Variants in SLC7A7 observed in about 807,000 individuals in gnomAD.
The protein encoded by SLC7A7 is Y+L amino acid transporter 1.
A neutral mutation model predicts 47.9 loss-of-function variants in SLC7A7; 39 were observed. The observed-to-expected ratio is 0.81, with a 90% confidence interval of 0.63 to 1.06. The LOEUF (loss-of-function observed/expected upper bound fraction) is 1.06. Among genes scored for constraint, SLC7A7 ranks in the 50% least tolerant of loss-of-function variants. SLC7A7 has a pLI of 0.00. For synonymous variants in SLC7A7, 234 were observed against 242.8 expected (o/e 0.96, Z 0.34); for missense variants, 588 against 632.0 (o/e 0.93, Z 0.75).
Position 22,794,329 on chromosome 14 carries a change from C to T in SLC7A7, c.500-14278G>A, listed in dbSNP as rs191948432. Among the ~76,000 whole-genome samples, 308 of 152,270 alleles carry T rather than the reference C, an allele frequency of 2.0e-3. 1 individual carries two copies. The highest frequency in any genetic ancestry group is 0.017 in the Admixed American group (261 of 15,292). ...GTGGGTCACTGGATCAGAGTCCTCC[C>T]GCTCTCCTTCCTGGAACTCAGTCAG... On this transcript the variant is annotated intron_variant, in intron 2 of 9. Transcript: ENST00000674313.
intron 2 of SLC7A7, among the ~76,000 whole-genome samples, chr14:22,811,902 C>T (rs1182426785): frequency 6.7e-6 from 1 of 149,476 alleles, no homozygotes; most frequent in Non-Finnish European, 1.5e-5. Flanking sequence ...CATGCAGCTG[C>T]AAAAAGATAT....
rs750961059 is a variant in SLC7A7 at position 22,773,570 on chromosome 14, C to G, written c.*40G>C. ...ACTTCCTTAGCTCTAGCCAGTAGAC[C>G]AGAAACCCCTGCTTTCCACATCAGG... On this transcript the variant is annotated 3_prime_UTR_variant, in exon 10 of 10. Transcript: ENST00000674313. 1 of 1,560,252 alleles carries G rather than the reference C, an allele frequency of 6.4e-7. No individual in the cohort carries two copies. The highest frequency in any genetic ancestry group is 8.8e-7 in the Non-Finnish European group (1 of 1,130,926).
chr14:22,812,794 T>TATATATATA (rs1372388510), intron 2 of SLC7A7, 106 bp downstream of exon 2: 35 of 834,294 alleles, frequency 4.2e-5, no homozygotes, highest in African/African-American at 9.0e-5. Flanking sequence ...TATATATATG[T>TATATATATA]TGTCAGAGAC....
At chr14:22,775,246 G>A (rs200748311) in intron 7 of SLC7A7, among the ~76,000 whole-genome samples, 198 bp downstream of exon 7, 1 of 121,978 alleles carries the variant, frequency 8.2e-6, no homozygotes, top group African/African-American at 2.7e-5. Flanking sequence ...TAGAGCAGAG[G>A]TGTACCATTC....
chr14:22,797,750 C>A (rs556712150), intron 2 of SLC7A7, among the ~76,000 whole-genome samples: 132 of 152,074 alleles, frequency 8.7e-4, no homozygotes, highest in African/African-American at 3.0e-3. Context: ...GTCAACCACC[C>A]GTATAAAAAA....
chr14:22,803,635 G>A (rs2039153482), intron 2 of SLC7A7, among the ~76,000 whole-genome samples: 1 of 152,210 alleles, frequency 6.6e-6, no homozygotes, highest in Non-Finnish European at 1.5e-5. Context: ...GAAGGCCAGT[G>A]TAGCTGGAGC....
chr14:22,788,660 T>C (rs1041582903), intron 2 of SLC7A7, among the ~76,000 whole-genome samples: 13 of 145,636 alleles, frequency 8.9e-5, no homozygotes, highest in East Asian at 2.0e-4. Flanking sequence ...GCCAAGATCC[T>C]ACCACTGCAC....
At chr14:22,803,333 G>A (rs1056245517) in intron 2 of SLC7A7, among the ~76,000 whole-genome samples, 14 of 152,250 alleles carry the variant, frequency 9.2e-5, no homozygotes, top group African/African-American at 3.1e-4. Context: ...AAGGAGAATC[G>A]CTTGAACCCG....
At chr14:22,799,288 C>T (rs908175416) in intron 2 of SLC7A7, among the ~76,000 whole-genome samples, 2 of 151,518 alleles carry the variant, frequency 1.3e-5, no homozygotes, top group African/African-American at 4.8e-5. Flanking sequence ...CCACCTATCT[C>T]TCTAGATGCT....
At chr14:22,783,354 T>A (rs549317025) in intron 2 of SLC7A7, among the ~76,000 whole-genome samples, 1 of 151,898 alleles carries the variant, frequency 6.6e-6, no homozygotes, top group Admixed American at 6.6e-5. Flanking sequence ...GGAAGAGCCA[T>A]GGCACCTGGG....
chr14:22,814,070 G>A (rs1158084883), intron 1 of SLC7A7, among the ~76,000 whole-genome samples: 1 of 151,580 alleles, frequency 6.6e-6, no homozygotes, highest in Non-Finnish European at 1.5e-5. Flanking sequence ...GATTACAGGC[G>A]TGAGCCACCT....
In SLC7A7 at chr14:22,807,357, A is replaced by G. The variant is rs1265580625; in HGVS notation, c.499+5543T>C. Among the ~76,000 whole-genome samples the G allele has an allele frequency of 3.3e-5, 5 of 152,090 alleles. No homozygotes were observed. In the East Asian group the frequency reaches 9.6e-4, roughly 29 times the overall value. On this transcript the variant is annotated intron_variant, in intron 2 of 9. Coordinates refer to ENST00000674313, the MANE Select transcript of SLC7A7 (RefSeq NM_003982.4). ...CAAAAACATTCTCCATGTGGCCACC[A>G]GAGTTCTCCTTTTAACTAAGTCTCA...
At chr14:22,783,282 C>T (rs940482220) in intron 2 of SLC7A7, among the ~76,000 whole-genome samples, 9 of 151,810 alleles carry the variant, frequency 5.9e-5, no homozygotes, top group Non-Finnish European at 7.4e-5. Context: ...AGGCTGGTCT[C>T]GAACTCCTGG....
intron 2 of SLC7A7, among the ~76,000 whole-genome samples, chr14:22,785,652 C>T (rs1038035045): frequency 6.7e-6 from 1 of 148,640 alleles, no homozygotes; most frequent in African/African-American, 2.5e-5. Flanking sequence ...CACTTGAACT[C>T]GGGAGGTGGA....
chr14:22,775,755 C>CA, intron 6 of SLC7A7, 78 bp downstream of exon 6: 1 of 1,116,000 alleles, frequency 9.0e-7, no homozygotes. Context: ...CACAAGTAAT[C>CA]AAAGGCTGGG....
chr14:22,777,600 C>A (rs1434070916), intron 4 of SLC7A7, among the ~76,000 whole-genome samples: 3 of 152,148 alleles, frequency 2.0e-5, no homozygotes. Flanking sequence ...GGGGCAAATA[C>A]TCTGCAAATA....
At chr14:22,818,042 C>T (rs752079115), upstream of SLC7A7, among the ~76,000 whole-genome samples, 7 of 150,146 alleles carry the variant, frequency 4.7e-5, no homozygotes, top group South Asian at 2.1e-4. Context: ...AAAACACAAA[C>T]ACATCATCAC....
At chr14:22,782,499 T>A (rs1388602378) in intron 2 of SLC7A7, among the ~76,000 whole-genome samples, 1 of 151,772 alleles carries the variant, frequency 6.6e-6, no homozygotes, top group Non-Finnish European at 1.5e-5. Flanking sequence ...TCTTGCTCTG[T>A]CACCCAGGCT....
chr14:22,815,522 G>A (rs1369833908), upstream of SLC7A7: 2 of 454,270 alleles, frequency 4.4e-6, no homozygotes, highest in Admixed American at 4.7e-5. Context: ...GAGGGGGAAA[G>A]GAGTATTAAG....
Sources: allele counts gnomAD v4.1 joint callset (sites outside exome capture counted in the v4.1 genomes callset), GRCh38; gene constraint gnomAD v4.1.1; transcripts MANE v1.5; gene names NCBI Gene and HGNC (gene_info 2026-07-23, HGNC 2026-07-21).